The following BDH2 variants were observed in gnomAD, a reference collection of about 807,000 sequenced individuals.
BDH2 encodes dehydrogenase/reductase SDR family member 6.
A neutral mutation model predicts 33.2 loss-of-function variants in BDH2; 24 were observed. The ratio of observed to expected loss-of-function variants is 0.72; its 90% confidence interval spans 0.52 to 1.02. The LOEUF (loss-of-function observed/expected upper bound fraction) is 1.02. BDH2 is among the 50% of genes least tolerant of loss of function. BDH2 has a pLI of 0.00. For missense variants in BDH2, 249 were observed against 301.6 expected, an observed-to-expected ratio of 0.83 and a Z score of 1.29; for synonymous variants, 81 against 101.6, an observed-to-expected ratio of 0.80 and a Z score of 1.22.
In BDH2 at chr4:103,084,023, A is replaced by C. The variant is rs186691848; in HGVS notation, c.533-1094T>G. On this transcript the variant is annotated intron_variant, in intron 7 of 9. Transcript: ENST00000296424. ...GGAACATCTTCTACCTTCACACTAC[A>C]GGCAACAGTGTTGATGTACTTTCTG... is the stretch of plus-strand genomic sequence containing the variant. Among the ~76,000 whole-genome samples the C allele has an allele frequency of 9.0e-4, 137 of 152,276 alleles. 1 individual carries two copies. Among genetic ancestry groups the C allele is most frequent in the Non-Finnish European group, 2.4e-4 (16 of 68,018 alleles).
intron 7 of BDH2, among the ~76,000 whole-genome samples, 174 bp downstream of exon 7, chr4:103,085,175 T>C (rs1319567592): frequency 6.6e-6 from 1 of 152,224 alleles, no homozygotes; most frequent in Non-Finnish European, 1.5e-5. Flanking sequence ...CCTTTCTTGG[T>C]AAAGAGGCAG....
Position 103,096,439 on chromosome 4 carries a change from C to A in BDH2, c.-20-165G>T, listed in dbSNP as rs1190350690. 2.0e-5 allele frequency among the ~76,000 whole-genome samples: 3 copies of A among 151,942 alleles called. No homozygotes were observed. The East Asian group carries it at 5.8e-4, about 29-fold the overall frequency. On this transcript the variant is annotated intron_variant, in intron 1 of 9. Coordinates refer to ENST00000296424, the MANE Select transcript of BDH2 (RefSeq NM_020139.4). ...TGCAAGTAGTCCCATCATCTGAATTCTCCTAGAATGCTTACTCTGCATACC... is the reference window on the plus strand; with the variant it reads ...TGCAAGTAGTCCCATCATCTGAATTATCCTAGAATGCTTACTCTGCATACC...
At chr4:103,091,855 A>G (rs1369946512) in intron 4 of BDH2, 1 of 432,922 alleles carries the variant, frequency 2.3e-6, no homozygotes, top group Non-Finnish European at 4.6e-6. Context: ...CTCAAGGGAA[A>G]TCAAAATTGC....
rs748262086 is a variant in BDH2 at position 103,092,713 on chromosome 4, G to A, written c.152-17C>T. On this transcript the variant is annotated splice_polypyrimidine_tract_variant and intron_variant, in intron 3 of 9. Transcript: ENST00000296424. The stretch of plus-strand genomic sequence containing the variant: ...TTTGAATACCTGAAAAATAAAACAA[G>A]AGGCACTATTCCTAAAAATGTTTAG... 1 of 1,549,386 alleles carries A rather than the reference G, an allele frequency of 6.5e-7. No individual in the cohort carries two copies. The highest frequency in any genetic ancestry group is 8.9e-7 in the Non-Finnish European group (1 of 1,121,686).
chr4:103,092,552 A>G (rs771450124), intron 4 of BDH2, 48 bp downstream of exon 4: 1 of 1,299,466 alleles, frequency 7.7e-7, no homozygotes, highest in Admixed American at 1.8e-5. Flanking sequence ...AATGAAAGTC[A>G]TAGAAAACTT....
intron 7 of BDH2, among the ~76,000 whole-genome samples, chr4:103,083,143 C>T (rs745966746): frequency 4.6e-5 from 7 of 152,176 alleles, no homozygotes; most frequent in Non-Finnish European, 7.3e-5. Flanking sequence ...TATGATTCTT[C>T]GTGACACTAT....
At chr4:103,090,643 G>C (rs777437225) in intron 5 of BDH2, among the ~76,000 whole-genome samples, 10 of 152,156 alleles carry the variant, frequency 6.6e-5, no homozygotes, top group Non-Finnish European at 1.5e-4. Flanking sequence ...TGAGATAATA[G>C]TATCTACCTC....
Position 103,090,012 on chromosome 4 carries a change from T to C in BDH2, c.357+1165A>G, listed in dbSNP as rs114240568. On this transcript the variant is annotated intron_variant, in intron 5 of 9. Coordinates refer to ENST00000296424, the MANE Select transcript of BDH2 (RefSeq NM_020139.4). ...GGAACCTTCTTAACATTAGGTTGAA[T>C]ATTCAGAGTAGAATATCAGCCCTGC... Among the ~76,000 whole-genome samples the C allele has an allele frequency of 3.1e-3, 467 of 152,314 alleles. 2 individuals carry two copies. The highest frequency in any genetic ancestry group is 0.011 in the African/African-American group (448 of 41,554).
chr4:103,088,703 C>CTG (rs1012350623), intron 5 of BDH2, among the ~76,000 whole-genome samples: 171 of 152,312 alleles, frequency 1.1e-3, no homozygotes, highest in Non-Finnish European at 2.0e-3. Context: ...GTCCCTGGAG[C>CTG]TGTATCTAGT....
intron 7 of BDH2, among the ~76,000 whole-genome samples, chr4:103,085,040 G>T (rs115856644): frequency 2.2e-3 from 341 of 152,280 alleles, no homozygotes; most frequent in African/African-American, 7.7e-3. Context: ...GTAGAACCAG[G>T]TAAAAGTACA....
chr4:103,085,591 G>T, intron 6 of BDH2, 129 bp from the exon 7 acceptor site: 1 of 1,441,630 alleles, frequency 6.9e-7, no homozygotes, highest in Non-Finnish European at 9.4e-7. Flanking sequence ...CTTTTAAAAA[G>T]ATTGATATCA....
intron 1 of BDH2, chr4:103,098,507 G>A (rs1393961740): frequency 6.6e-6 from 1 of 152,216 alleles, no homozygotes; most frequent in African/African-American, 2.4e-5. Context: ...CTGCCTCTCT[G>A]GGTTTGTGCT....
At position 103,086,559 on chromosome 4, in the gene BDH2, T is replaced by TAAA; in HGVS notation, c.358-20_358-19insTTT. ...CAAGCATCTGCCAAAACAAAACAAA[T>TAAA]ACAAAAAAAAAAAAATCCACTTTGT... On this transcript the variant is annotated intron_variant, in intron 5 of 9. Coordinates refer to ENST00000296424, the MANE Select transcript of BDH2 (RefSeq NM_020139.4). 6.6e-7 allele frequency: 1 copy of TAAA among 1,507,428 alleles called. No homozygotes were observed. The allele number at this position is 1,507,428 out of a possible 1,614,324, so 93.4% of individuals were successfully genotyped here. A position where few individuals can be genotyped will look rare whatever the true frequency, so the allele number is the denominator to read the frequency against.
chr4:103,089,732 G>T (rs1021592520), intron 5 of BDH2, among the ~76,000 whole-genome samples: 1 of 152,066 alleles, frequency 6.6e-6, no homozygotes, highest in Non-Finnish European at 1.5e-5. Context: ...CACAGTCTCT[G>T]CTCTACCCCT....
intron 6 of BDH2, chr4:103,085,969 A>G (rs575577402): frequency 5.2e-5 from 61 of 1,162,788 alleles, no homozygotes; most frequent in Non-Finnish European, 6.1e-5. Flanking sequence ...TTGTCCTTCA[A>G]CTTGACTTCT....
chr4:103,092,013 C>T (rs79356389), intron 4 of BDH2, among the ~76,000 whole-genome samples: 2,698 of 152,244 alleles, frequency 0.018, 71 homozygotes, highest in African/African-American at 0.059. Context: ...TTTCAAGTTA[C>T]GTTTTCTGAG....
intron 3 of BDH2, among the ~76,000 whole-genome samples, chr4:103,093,339 G>A (rs1748202509): frequency 6.6e-6 from 1 of 151,830 alleles, no homozygotes; most frequent in South Asian, 2.1e-4. Flanking sequence ...AGGGTATCCA[G>A]TCAAATACAT....
At chr4:103,094,663 TA>T (rs1436644995) in intron 3 of BDH2, among the ~76,000 whole-genome samples, 1 of 152,054 alleles carries the variant, frequency 6.6e-6, no homozygotes, top group Non-Finnish European at 1.5e-5. Context: ...ATAATTTAAA[TA>T]AAAAATTTAG....
At chr4:103,091,110 C>T in intron 5 of BDH2, 67 bp downstream of exon 5, 4 of 921,480 alleles carry the variant, frequency 4.3e-6, no homozygotes, top group East Asian at 2.5e-5. Context: ...TGTGGGAATC[C>T]CTTCTGTGTG....
Sources: gnomAD v4.1 joint callset for allele counts (sites outside exome capture counted in the v4.1 genomes callset) on GRCh38, gnomAD v4.1.1 for gene constraint, MANE v1.5 for transcripts, NCBI Gene and HGNC (gene_info 2026-07-23, HGNC 2026-07-21) for gene names.